SFMBT2: variants seen among roughly 807,000 people sequenced by gnomAD.
SFMBT2 encodes scm-like with four MBT domains protein 2.
Under a neutral mutation model 110.1 loss-of-function variants are expected in SFMBT2, and 38 were observed. The observed-to-expected ratio is 0.35, with a 90% confidence interval of 0.27 to 0.45. SFMBT2 has a LOEUF of 0.45. Ranked by LOEUF, SFMBT2 falls within the 20% of genes least tolerant of loss-of-function variation. The pLI, the probability that SFMBT2 is intolerant of heterozygous loss-of-function variation, is 1.00. For synonymous variants in SFMBT2, 425 were observed against 425.4 expected, an observed-to-expected ratio of 1.00 and a Z score of 0.01; for missense variants, 1,011 against 1,094.9, an observed-to-expected ratio of 0.92 and a Z score of 1.08.
At chr10:7,224,695 T>C (rs73615417) in intron 10 of SFMBT2, among the ~76,000 whole-genome samples, 1,745 of 152,324 alleles carry the variant, frequency 0.011, 39 homozygotes, top group African/African-American at 0.04. Context: ...CAATTCAGTA[T>C]GAGCTTACTC....
At chr10:7,391,193 C>T (rs1176355352) in intron 1 of SFMBT2, among the ~76,000 whole-genome samples, 2 of 151,502 alleles carry the variant, frequency 1.3e-5, no homozygotes, top group East Asian at 2.0e-4. Flanking sequence ...AGTGGCTGGG[C>T]GTGGTGGCTC....
At chr10:7,202,390 C>T in intron 13 of SFMBT2, 90 bp downstream of exon 13, 2 of 1,522,232 alleles carry the variant, frequency 1.3e-6, no homozygotes, top group Non-Finnish European at 1.8e-6. Context: ...TTAGATAACT[C>T]CAATAAAAAC....
chr10:7,248,460 A>G (rs78800104), intron 8 of SFMBT2, 88 bp downstream of exon 8: 11,579 of 1,110,878 alleles, frequency 0.01, 69 homozygotes, highest in Non-Finnish European at 0.014. Flanking sequence ...CCTTGCACGA[A>G]CATATGTCAT....
intron 16 of SFMBT2, among the ~76,000 whole-genome samples, chr10:7,187,443 G>A (rs1228040364): frequency 6.6e-6 from 1 of 152,192 alleles, no homozygotes; most frequent in Non-Finnish European, 1.5e-5. Flanking sequence ...TCTTGAGAAA[G>A]AAGGAAATGA....
At chr10:7,188,931 C>T (rs1454133336) in intron 15 of SFMBT2, among the ~76,000 whole-genome samples, 198 bp from the exon 16 acceptor site, 1 of 152,194 alleles carries the variant, frequency 6.6e-6, no homozygotes, top group East Asian at 1.9e-4. Flanking sequence ...GGACAAAAAG[C>T]GTGGTAAAAT....
chr10:7,170,888 C>T lies in SFMBT2; in HGVS notation c.2544+40G>A. ...ACGAGGTTCATTTCAGATGCAGAGT[C>T]TCAGCACATCAAACAATCGACACGC... On this transcript the variant is annotated intron_variant, in intron 20 of 20. Coordinates refer to ENST00000397167, the MANE Select transcript of SFMBT2 (RefSeq NM_001387889.1). This position sits in a 1 kb window ranked among gnomAD's most constrained non-coding sequence, Gnocchi z 4.6. The T allele has an allele frequency of 2.5e-6, 4 of 1,613,410 alleles. No individual in the cohort carries two copies. The highest frequency in any genetic ancestry group is 3.4e-6 in the Non-Finnish European group (4 of 1,179,586).
At chr10:7,303,835 A>G (rs1842621488) in intron 4 of SFMBT2, among the ~76,000 whole-genome samples, 1 of 152,214 alleles carries the variant, frequency 6.6e-6, no homozygotes, top group African/African-American at 2.4e-5. Flanking sequence ...AGTCACACAT[A>G]TTTATGCCAG....
chr10:7,210,443 ACAAGCC>A (rs1359343327), intron 11 of SFMBT2, among the ~76,000 whole-genome samples: 1 of 152,236 alleles, frequency 6.6e-6, no homozygotes, highest in Admixed American at 6.5e-5. Context: ...GAGGGAGGCT[ACAAGCC>A]CACCATGAGG....
intron 4 of SFMBT2, among the ~76,000 whole-genome samples, chr10:7,321,605 G>C (rs1843191661): frequency 6.6e-6 from 1 of 152,168 alleles, no homozygotes; most frequent in African/African-American, 2.4e-5. Flanking sequence ...TAAGAAAACT[G>C]ACACACTGAT....
Position 7,159,870 on chromosome 10 carries a change from GT to G in SFMBT2, c.*3899del, listed in dbSNP as rs1461613994. The G allele has an allele frequency of 6.6e-6, 1 of 152,168 alleles. No individual in the cohort carries two copies. The highest frequency in any genetic ancestry group is 2.4e-5 in the African/African-American group (1 of 41,456). 9.4% of individuals were successfully genotyped at this position (152,168 alleles called of 1,614,324 possible). A position where few individuals can be genotyped will look rare whatever the true frequency, so the allele number is the denominator to read the frequency against. On this transcript the variant is annotated 3_prime_UTR_variant, in exon 21 of 21. Coordinates refer to ENST00000397167, the MANE Select transcript of SFMBT2 (RefSeq NM_001387889.1). ...GCGGGGACAGCTCTTAGAAAGGGGT[GT>G]TTGGCATAAGACAGAAGGCAAATCT...
intron 10 of SFMBT2, among the ~76,000 whole-genome samples, chr10:7,222,690 G>C (rs1371859538): frequency 2.7e-5 from 4 of 149,236 alleles, no homozygotes; most frequent in Non-Finnish European, 5.9e-5. Flanking sequence ...TTTTTTTTGA[G>C]ACAGGGTCTC....
rs1050197598 is a variant in SFMBT2 at position 7,159,174 on chromosome 10, T to C, written c.*4596A>G. The C allele has an allele frequency of 6.6e-6, 1 of 152,208 alleles. No homozygotes were observed. Among genetic ancestry groups the C allele is most frequent in the Non-Finnish European group, 1.5e-5 (1 of 68,036 alleles). 9.4% of individuals were successfully genotyped at this position (152,208 alleles called of 1,614,324 possible). On this transcript the variant is annotated 3_prime_UTR_variant, in exon 21 of 21. Coordinates refer to ENST00000397167, the MANE Select transcript of SFMBT2 (RefSeq NM_001387889.1). ...GTCATACTTACTGGGCCAAATCCCA[T>C]TACTTAGTGCCAACAATTCAGAAGG...
Position 7,283,162 on chromosome 10 carries a change from A to C in SFMBT2, c.772+742T>G, listed in dbSNP as rs528161803. Among the ~76,000 whole-genome samples the C allele has an allele frequency of 1.4e-3, 207 of 152,364 alleles. 1 individual carries two copies. Among genetic ancestry groups the C allele is most frequent in the Middle Eastern group, 3.4e-3 (1 of 294 alleles). ...AGAATCAAAACAAACAATGTACCAG[A>C]TGTAAAATCACCTGGCACATAGTAA... On this transcript the variant is annotated intron_variant, in intron 6 of 20. Coordinates refer to ENST00000397167, the MANE Select transcript of SFMBT2 (RefSeq NM_001387889.1).
rs1475201775 is a variant in SFMBT2, at chr10:7,411,012, C to G, written c.-203G>C. ...GCGCGCCCGCTCCGGTCCTCCGGCT[C>G]CCACTACAGCTCATTCCAATATGGC... On this transcript the variant is annotated 5_prime_UTR_variant, in exon 1 of 21. Coordinates refer to ENST00000397167, the MANE Select transcript of SFMBT2 (RefSeq NM_001387889.1). Among the ~76,000 whole-genome samples the G allele has an allele frequency of 1.3e-5, 2 of 150,954 alleles. No individual in the cohort carries two copies. Among genetic ancestry groups the G allele is most frequent in the Non-Finnish European group, 3.0e-5 (2 of 67,688 alleles).
chr10:7,396,693 T>C (rs1845934617), intron 1 of SFMBT2, among the ~76,000 whole-genome samples: 2 of 152,030 alleles, frequency 1.3e-5, no homozygotes, highest in African/African-American at 4.8e-5. Context: ...ATTGTGCATA[T>C]ACACCATGGA....
intron 9 of SFMBT2, among the ~76,000 whole-genome samples, chr10:7,242,309 T>C (rs948753013): frequency 1.3e-5 from 2 of 152,158 alleles, no homozygotes; most frequent in African/African-American, 4.8e-5. Flanking sequence ...GCAAAGCCAG[T>C]GTGTACCAAC....
At chr10:7,314,207 G>A (rs1375462051) in intron 4 of SFMBT2, among the ~76,000 whole-genome samples, 2 of 152,208 alleles carry the variant, frequency 1.3e-5, no homozygotes, top group Non-Finnish European at 2.9e-5. Flanking sequence ...ATAGAGAAAA[G>A]AGGGACAACC....
intron 9 of SFMBT2, among the ~76,000 whole-genome samples, chr10:7,233,220 G>A (rs1840159009): frequency 6.6e-6 from 1 of 152,212 alleles, no homozygotes; most frequent in Admixed American, 6.5e-5. Context: ...CTGTTAGGAA[G>A]CAGGCGTTTT....
At chr10:7,168,120 T>A (rs1385064612) in intron 20 of SFMBT2, among the ~76,000 whole-genome samples, 3 of 151,686 alleles carry the variant, frequency 2.0e-5, no homozygotes, top group Non-Finnish European at 4.4e-5. Flanking sequence ...GTCGGCAGTG[T>A]TCCATTTCCT....
Sources: gnomAD v4.1 joint callset for allele counts (sites outside exome capture counted in the v4.1 genomes callset) on GRCh38, gnomAD v4.1.1 for gene constraint, Gnocchi (gnomAD v3.1) non-coding constraint, MANE v1.5 for transcripts, NCBI Gene and HGNC (gene_info 2026-07-23, HGNC 2026-07-21) for gene names.